Variants in PTCHD1 observed in about 807,000 individuals in gnomAD.
PTCHD1 encodes patched domain-containing protein 1.
PTCHD1 carries 3 observed loss-of-function variants against 34.6 expected under a neutral mutation model. The observed-to-expected ratio is 0.09, with a 90% confidence interval of 0.04 to 0.22. PTCHD1 has a LOEUF of 0.22. PTCHD1 is among the 10% of genes least tolerant of loss of function. The probability of loss-of-function intolerance (pLI) is 1.00; values close to 1 mark genes in which losing one functional copy is unlikely to be tolerated. For synonymous variants in PTCHD1, 305 were observed against 283.1 expected (o/e 1.08, Z -0.77); for missense variants, 504 against 685.5 (o/e 0.74, Z 2.96).
At chrX:23,363,416 G>A (rs770500493) in intron 1 of PTCHD1, among the ~76,000 whole-genome samples, 1 of 113,054 alleles carries the variant, frequency 8.8e-6, no homozygotes, top group East Asian at 2.8e-4. Context: ...AGACTGCTGT[G>A]CTAGCAGTGA....
intron 1 of PTCHD1, among the ~76,000 whole-genome samples, chrX:23,341,218 T>A (rs1234723582): frequency 9.0e-6 from 1 of 111,637 alleles, no homozygotes; most frequent in African/African-American, 3.3e-5. Flanking sequence ...TCTTGATAGA[T>A]GCCATATTAG....
chrX:23,337,555 G>A (rs1183583336), intron 1 of PTCHD1, among the ~76,000 whole-genome samples: 1 of 108,976 alleles, frequency 9.2e-6, no homozygotes, highest in Admixed American at 9.8e-5. Flanking sequence ...GAGACATGAT[G>A]ACTTGTCCTT....
intron 1 of PTCHD1, chrX:23,350,882 T>C (rs755228744): frequency 7.3e-6 from 1 of 136,823 alleles, no homozygotes; most frequent in East Asian, 1.7e-4. Flanking sequence ...AAACTACAAA[T>C]ATTTACTGAG....
intron 2 of PTCHD1, among the ~76,000 whole-genome samples, chrX:23,392,074 C>CTTTCTTTTTTTTTTTTTTTTTTT (rs367570857): frequency 1.9e-5 from 1 of 52,355 alleles, no homozygotes; most frequent in African/African-American, 1.3e-4. Context: ...TTCTTTCTTT[C>CTTTCTTTTTTTTTTTTTTTTTTT]TTTTTTTTTT....
At chrX:23,384,940 A>G (rs1435421947) in intron 2 of PTCHD1, among the ~76,000 whole-genome samples, 1 of 111,826 alleles carries the variant, frequency 8.9e-6, no homozygotes, top group Admixed American at 9.5e-5. Flanking sequence ...CAATATGACA[A>G]TTTTGCCTGA....
At position 23,356,833 on chromosome X, in the gene PTCHD1, A is replaced by G. The variant is rs1238418286; in HGVS notation, c.351+21607A>G. ...CAACTTTTGGGTGAAGGTGCCAGCT[A>G]CATTTTCTGATTGAGATGGGGAAAT... On this transcript the variant is annotated intron_variant, in intron 1 of 2. Transcript: ENST00000379361. Among the ~76,000 whole-genome samples, 5 of 111,789 alleles carry G rather than the reference A, an allele frequency of 4.5e-5. No homozygotes were observed. The South Asian group carries it at 1.5e-3, about 34-fold the overall frequency.
chrX:23,392,969 T>C lies in PTCHD1; in HGVS notation c.1451T>C (p.Val484Ala), dbSNP rs1258859642. ...EANTYESHLL[V>A]CFLKRYYCDW... ...AACACTTACGAGAGTCACCTATTGG[T>C]ATGTTTCCTCAAACGCTATTACTGT... is the stretch of plus-strand genomic sequence containing the variant. Residue 484 changes from valine (V) to alanine (A), a missense_variant, in exon 3 of 3, where the codon GTA (valine) becomes GCA (alanine). Coordinates refer to ENST00000379361, the MANE Select transcript of PTCHD1 (RefSeq NM_173495.3). The C allele has an allele frequency of 1.7e-6, 2 of 1,211,783 alleles. No individual in the cohort carries two copies. Among genetic ancestry groups the C allele is most frequent in the Non-Finnish European group, 1.1e-6 (1 of 895,276 alleles).
intron 1 of PTCHD1, among the ~76,000 whole-genome samples, chrX:23,343,124 A>T (rs991563221): frequency 1.8e-5 from 2 of 112,260 alleles, no homozygotes; most frequent in Non-Finnish European, 3.8e-5. Context: ...CTATTGATTT[A>T]TTTTGGTCAA....
At position 23,393,342 on chromosome X, in the gene PTCHD1, T is replaced by C; in HGVS notation, c.1824T>C (p.Asn608=). 8.3e-7 allele frequency: 1 copy of C among 1,209,879 alleles called. No individual in the cohort carries two copies. The highest frequency in any genetic ancestry group is 1.1e-6 in the Non-Finnish European group (1 of 893,823). The change falls in exon 3 of 3, where the codon AAT becomes AAC. Residue 608 remains asparagine, a synonymous_variant. Coordinates refer to ENST00000379361, the MANE Select transcript of PTCHD1 (RefSeq NM_173495.3). ...LNVSTGLPKK[N]FTDMLRNSFL... is the part of the protein sequence containing the mutation. ...TATCCACTGGCTTGCCTAAGAAAAATTTCACAGACATGTTGAGGAATTCCT... is the reference window on the plus strand; with the variant it reads ...TATCCACTGGCTTGCCTAAGAAAAACTTCACAGACATGTTGAGGAATTCCT...
At chrX:23,356,937 T>A (rs1601906635) in intron 1 of PTCHD1, among the ~76,000 whole-genome samples, 1 of 111,920 alleles carries the variant, frequency 8.9e-6, no homozygotes, top group Admixed American at 9.5e-5. Context: ...ATCTATGTTG[T>A]CTCATTCGGG....
chrX:23,397,033 C>G lies in PTCHD1; in HGVS notation c.*2848C>G, dbSNP rs1449299192. 8.9e-6 allele frequency: 1 copy of G among 111,805 alleles called. No individual in the cohort carries two copies. The highest frequency in any genetic ancestry group is 1.9e-5 in the Non-Finnish European group (1 of 53,186). 9.2% of individuals were successfully genotyped at this position (111,805 alleles called of 1,213,427 possible). On this transcript the variant is annotated 3_prime_UTR_variant, in exon 3 of 3. Transcript: ENST00000379361. ...TGATCCCTGCAAACACTTGAAGAAG[C>G]TGTGTTTTTTTTCTTTCAATTAATT...
At chrX:23,353,353 G>A (rs913297584) in intron 1 of PTCHD1, among the ~76,000 whole-genome samples, 17 of 112,585 alleles carry the variant, frequency 1.5e-4, no homozygotes, top group African/African-American at 4.5e-4. Flanking sequence ...TTGGGCGGCC[G>A]AGACAGGCGT....
chrX:23,352,093 T>G (rs1437903412), intron 1 of PTCHD1, among the ~76,000 whole-genome samples: 1 of 111,662 alleles, frequency 9.0e-6, no homozygotes, highest in Admixed American at 9.5e-5. Flanking sequence ...GTGAAAGCAA[T>G]TGACCTTAAA....
upstream of PTCHD1, chrX:23,334,780 GCGCCGCTGC>G (rs1555909519): frequency 1.1e-4 from 28 of 266,356 alleles, 1 homozygote; most frequent in Admixed American, 7.5e-4. Context: ...GCCGCCGCGG[GCGCCGCTGC>G]CGCCGCCGCC....
chrX:23,371,389 G>C (rs182205834), intron 1 of PTCHD1, among the ~76,000 whole-genome samples: 8 of 111,644 alleles, frequency 7.2e-5, no homozygotes, highest in African/African-American at 2.6e-4. Flanking sequence ...TGTCAAGCCA[G>C]CTACTCTGTG....
intron 1 of PTCHD1, among the ~76,000 whole-genome samples, chrX:23,374,326 G>A (rs1426991536): frequency 1.0e-5 from 1 of 99,707 alleles, no homozygotes; most frequent in East Asian, 3.2e-4. Context: ...ACCCTGCAAG[G>A]TATTGTATAA....
intron 1 of PTCHD1, among the ~76,000 whole-genome samples, chrX:23,368,711 AGTTTT>A (rs1277059244): frequency 1.8e-5 from 2 of 112,086 alleles, no homozygotes; most frequent in African/African-American, 3.2e-5. Flanking sequence ...TGTTCTGTAA[AGTTTT>A]GTTTTGTTTT....
intron 2 of PTCHD1, among the ~76,000 whole-genome samples, chrX:23,385,888 A>G (rs780872956): frequency 9.0e-6 from 1 of 111,159 alleles, no homozygotes; most frequent in South Asian, 3.8e-4. Context: ...ATATCACATT[A>G]GCTGTATTAT....
chrX:23,353,046 G>C (rs938758313), intron 1 of PTCHD1, among the ~76,000 whole-genome samples: 1 of 112,141 alleles, frequency 8.9e-6, no homozygotes, highest in South Asian at 3.7e-4. Context: ...GATAGAAAAA[G>C]AGATCATTTT....
Sources: allele counts gnomAD v4.1 joint callset (sites outside exome capture counted in the v4.1 genomes callset), GRCh38; gene constraint gnomAD v4.1.1; transcripts MANE v1.5; gene names NCBI Gene and HGNC (gene_info 2026-07-23, HGNC 2026-07-21).